Variants in NFIB observed in about 807,000 individuals in gnomAD.
NFIB encodes the protein nuclear factor 1 B-type.
NFIB carries 11 observed loss-of-function variants against 61.5 expected under a neutral mutation model. The observed-to-expected ratio is 0.18, with a 90% confidence interval of 0.11 to 0.30. NFIB has a LOEUF of 0.30. Ranked by LOEUF, NFIB falls within the 10% of genes least tolerant of loss-of-function variation. The pLI is 1.00. For missense variants in NFIB, 471 were observed against 608.9 expected (o/e 0.77, Z 2.38); for synonymous variants, 260 against 216.5 (o/e 1.20, Z -1.76).
chr9:14,249,476 T>C (rs2055326235), intron 2 of NFIB, among the ~76,000 whole-genome samples: 1 of 152,072 alleles, frequency 6.6e-6, no homozygotes, highest in Non-Finnish European at 1.5e-5. Flanking sequence ...TTCATTCTAC[T>C]TTTTTTTAAG....
chr9:14,460,277 C>A, the NFIB span, among the ~76,000 whole-genome samples: 3 of 151,608 alleles, frequency 2.0e-5, no homozygotes, highest in African/African-American at 4.9e-5. Context: ...GACAAAAAAC[C>A]AAACACCACA....
rs554158957 is a variant in NFIB, at chr9:14,257,958, T to C, written c.562+49031A>G. 1.2e-4 allele frequency among the ~76,000 whole-genome samples: 19 copies of C among 152,290 alleles called. No homozygotes were observed. The South Asian group carries it at 3.1e-3, about 25-fold the overall frequency. On this transcript the variant is annotated intron_variant, in intron 2 of 10. Transcript: ENST00000380953. ...TCAGTATCTCAGTATCTCCTATAAA[T>C]AGATTTTGTTTAAATAATACAATTT...
chr9:14,129,984 A>C (rs1330658706), intron 6 of NFIB, among the ~76,000 whole-genome samples: 2 of 152,212 alleles, frequency 1.3e-5, no homozygotes, highest in Non-Finnish European at 2.9e-5. Context: ...ATGGCTTAAA[A>C]TCAGACAGAA....
At position 14,327,423 on chromosome 9, in the gene NFIB, GA is replaced by G. The variant is rs1377185023; in HGVS notation, c.109-19904del. Among the ~76,000 whole-genome samples, 2 of 152,184 alleles carry G rather than the reference GA, an allele frequency of 1.3e-5. 1 individual carries two copies. The highest frequency in any genetic ancestry group is 2.9e-5 in the Non-Finnish European group (2 of 68,034). Reference sequence around the variant, plus strand: ...TTTTGTGTCTATATTCCGTAAGTAAGAAATCGTAGGTGCAGCCCAGGGAGTA... The same window carrying G: ...TTTTGTGTCTATATTCCGTAAGTAAGAATCGTAGGTGCAGCCCAGGGAGTA... On this transcript the variant is annotated intron_variant, in intron 1 of 8. Coordinates refer to the NFIB transcript ENST00000380934.
the NFIB span, among the ~76,000 whole-genome samples, chr9:14,513,400 C>T: frequency 6.6e-5 from 10 of 152,020 alleles, no homozygotes; most frequent in East Asian, 5.8e-4. Context: ...GAGGCTGAGG[C>T]GGGCAGATCA....
At chr9:14,127,610 T>G (rs73409998) in intron 6 of NFIB, among the ~76,000 whole-genome samples, 12,232 of 152,148 alleles carry the variant, frequency 0.08, 1,576 homozygotes, top group African/African-American at 0.27. Context: ...ACATACAAAA[T>G]GTACACAATT....
At chr9:14,255,536 A>T (rs1302760596) in intron 2 of NFIB, among the ~76,000 whole-genome samples, 1 of 152,238 alleles carries the variant, frequency 6.6e-6, no homozygotes, top group East Asian at 1.9e-4. Context: ...GGGCATACTG[A>T]TGACCAGATA....
chr9:14,211,081 C>T (rs2050256381), intron 2 of NFIB, among the ~76,000 whole-genome samples: 1 of 152,172 alleles, frequency 6.6e-6, no homozygotes, highest in Non-Finnish European at 1.5e-5. Flanking sequence ...TAATTACATA[C>T]ATGTATTTGT....
At chr9:14,443,354 C>T in the NFIB span, among the ~76,000 whole-genome samples, 4 of 152,096 alleles carry the variant, frequency 2.6e-5, no homozygotes, top group African/African-American at 9.7e-5. Flanking sequence ...AACATGATGC[C>T]ATATTTCTAA....
At chr9:14,464,738 C>T in the NFIB span, among the ~76,000 whole-genome samples, 1 of 152,112 alleles carries the variant, frequency 6.6e-6, no homozygotes. Flanking sequence ...CTAAAGATCT[C>T]AGTGGGACGG....
chr9:14,294,463 T>C (rs1307663970), intron 2 of NFIB, among the ~76,000 whole-genome samples: 4 of 152,252 alleles, frequency 2.6e-5, no homozygotes, highest in Non-Finnish European at 4.4e-5. Context: ...CAAATCTTTC[T>C]GCCATCAACA....
At chr9:14,451,562 C>A in the NFIB span, among the ~76,000 whole-genome samples, 3 of 152,188 alleles carry the variant, frequency 2.0e-5, no homozygotes, top group Non-Finnish European at 4.4e-5. Context: ...ACAAATACCA[C>A]TTCAGGCCGA....
In NFIB at chr9:14,083,471, C is replaced by G. The variant is rs887336451; in HGVS notation, c.*4838G>C. The G allele has an allele frequency of 5.2e-6, 1 of 193,446 alleles. No individual in the cohort carries two copies. The highest frequency in any genetic ancestry group is 1.0e-5 in the Non-Finnish European group (1 of 100,288). The allele number at this position is 193,446 out of a possible 1,614,324, so 12.0% of individuals were successfully genotyped here. Reference sequence around the variant, plus strand: ...GCTTTTACTATTGAACTTGAATAGCCTGCACATTAAAAAAAAAAAAAAAAA... The same window carrying G: ...GCTTTTACTATTGAACTTGAATAGCGTGCACATTAAAAAAAAAAAAAAAAA... On this transcript the variant is annotated 3_prime_UTR_variant, in exon 11 of 11. Transcript: ENST00000380953.
chr9:14,351,764 G>A (rs2061115700), intron 1 of NFIB, among the ~76,000 whole-genome samples: 1 of 152,202 alleles, frequency 6.6e-6, no homozygotes, highest in African/African-American at 2.4e-5. Flanking sequence ...TGGGTGGTGA[G>A]CATGTTGTCC....
chr9:14,458,925 G>A, the NFIB span, among the ~76,000 whole-genome samples: 2 of 151,984 alleles, frequency 1.3e-5, no homozygotes, highest in Non-Finnish European at 2.9e-5. Flanking sequence ...TCAATATCGT[G>A]AAAATGGCCA....
intron 2 of NFIB, among the ~76,000 whole-genome samples, chr9:14,218,032 G>A (rs1354200248): frequency 4.6e-5 from 7 of 152,110 alleles, no homozygotes; most frequent in Admixed American, 2.0e-4. Context: ...AGTTTCTTCC[G>A]TGTTTGCTGG....
chr9:14,314,735 C>T (rs1346588873), upstream of NFIB, among the ~76,000 whole-genome samples: 1 of 134,222 alleles, frequency 7.5e-6, no homozygotes, highest in Non-Finnish European at 1.6e-5. Context: ...CTCCTTCTCT[C>T]CCCCCACCTC....
At chr9:14,523,147 T>G in the NFIB span, among the ~76,000 whole-genome samples, 1 of 151,864 alleles carries the variant, frequency 6.6e-6, no homozygotes, top group Non-Finnish European at 1.5e-5. Flanking sequence ...ATGAGAGCCC[T>G]GAGGAAAAGT....
chr9:14,399,593 A>AT (rs1400944592), upstream of NFIB, among the ~76,000 whole-genome samples: 3 of 152,256 alleles, frequency 2.0e-5, no homozygotes, highest in East Asian at 5.8e-4. Flanking sequence ...ATAATGATTG[A>AT]TTTTGTCTCC....
Sources: allele counts gnomAD v4.1 joint callset (sites outside exome capture counted in the v4.1 genomes callset), GRCh38; gene constraint gnomAD v4.1.1; transcripts MANE v1.5; gene names NCBI Gene and HGNC (gene_info 2026-07-23, HGNC 2026-07-21).